DLG2: variants seen among roughly 807,000 people sequenced by gnomAD.
DLG2 encodes the protein discs large MAGUK scaffold protein 2.
DLG2 carries 45 observed loss-of-function variants against 132.5 expected under a neutral mutation model. The ratio of observed to expected loss-of-function variants is 0.34; its 90% CI spans 0.27 to 0.44. DLG2 has a LOEUF of 0.44. DLG2 is among the 20% of genes least tolerant of loss of function. The probability of loss-of-function intolerance (pLI) is 1.00; values close to 1 mark genes in which losing one functional copy is unlikely to be tolerated. For synonymous variants in DLG2, 424 were observed against 419.6 expected (o/e 1.01, Z -0.13); for missense variants, 1,045 against 1,196.9 (o/e 0.87, Z 1.87).
At chr11:83,844,974 C>A (rs1180845844) in intron 16 of DLG2, among the ~76,000 whole-genome samples, 1 of 152,118 alleles carries the variant, frequency 6.6e-6, no homozygotes, top group Non-Finnish European at 1.5e-5. Flanking sequence ...ATTCTGGTAT[C>A]TTGAGTAGTT....
Position 83,833,589 on chromosome 11 carries a change from ATAAAGAT to A in DLG2, c.1722+18_1722+24del, listed in dbSNP as rs2055222975. On this transcript the variant is annotated intron_variant, in intron 17 of 27. Coordinates refer to ENST00000376104, the MANE Select transcript of DLG2 (RefSeq NM_001142699.3). ...ATTGATGGCGTCAGATATGGAGGGAATAAAGATTAAAGAAACATACTCACCGATAGGA... is the reference window on the plus strand; with the variant it reads ...ATTGATGGCGTCAGATATGGAGGGAATAAAGAAACATACTCACCGATAGGA... 3 of 1,599,082 alleles carry A rather than the reference ATAAAGAT, an allele frequency of 1.9e-6. No individual in the cohort carries two copies. The highest frequency in any genetic ancestry group is 2.6e-6 in the Non-Finnish European group (3 of 1,172,270).
At chr11:84,420,645 G>GTGTTCTTT (rs2098945846) in intron 7 of DLG2, among the ~76,000 whole-genome samples, 1 of 48,916 alleles carries the variant, frequency 2.0e-5, no homozygotes, top group Non-Finnish European at 4.9e-5. Flanking sequence ...ACCAATGCTT[G>GTGTTCTTT]TTTTCTTTTT....
intron 5 of DLG2, among the ~76,000 whole-genome samples, chr11:85,117,609 T>C (rs1000123321): frequency 2.1e-4 from 3 of 14,428 alleles, no homozygotes; most frequent in South Asian, 1.4e-3. Context: ...AATAGGTAAA[T>C]AGAAAAAAAA....
At chr11:83,860,052 T>C (rs1012208360) in intron 16 of DLG2, among the ~76,000 whole-genome samples, 2 of 152,154 alleles carry the variant, frequency 1.3e-5, no homozygotes, top group Admixed American at 6.5e-5. Context: ...TTTTAGAAGA[T>C]GTATGGAAAT....
chr11:85,337,790 T>C (rs574173180), intron 3 of DLG2, among the ~76,000 whole-genome samples: 2 of 152,318 alleles, frequency 1.3e-5, no homozygotes, highest in South Asian at 4.1e-4. Flanking sequence ...ATGACCCTTT[T>C]CTCAAATACC....
intron 7 of DLG2, among the ~76,000 whole-genome samples, chr11:84,258,398 C>T (rs2097507297): frequency 6.6e-6 from 1 of 152,068 alleles, no homozygotes; most frequent in African/African-American, 2.4e-5. Context: ...TATGACATAA[C>T]CCAGATCTCA....
At chr11:85,063,344 C>T (rs1467231499) in intron 6 of DLG2, among the ~76,000 whole-genome samples, 2 of 151,670 alleles carry the variant, frequency 1.3e-5, no homozygotes, top group African/African-American at 4.8e-5. Flanking sequence ...ATGATTAATC[C>T]CAAATTCTCT....
At chr11:85,176,166 C>T (rs559403320) in intron 4 of DLG2, among the ~76,000 whole-genome samples, 35 of 152,048 alleles carry the variant, frequency 2.3e-4, no homozygotes, top group South Asian at 1.2e-3. Flanking sequence ...CACAATCCTA[C>T]GCAAAAAGAA....
chr11:83,510,795 AGCATGTGAGT>A (rs1239697638), intron 21 of DLG2, among the ~76,000 whole-genome samples: 1 of 146,562 alleles, frequency 6.8e-6, no homozygotes, highest in Non-Finnish European at 1.5e-5. Context: ...ACAATGTGAG[AGCATGTGAGT>A]GGCTCAAAAG....
chr11:83,536,622 A>C (rs2095884477), intron 20 of DLG2, among the ~76,000 whole-genome samples: 1 of 150,440 alleles, frequency 6.6e-6, no homozygotes, highest in South Asian at 2.1e-4. Context: ...GAAAACAGCT[A>C]TTATTGGAAT....
intron 6 of DLG2, among the ~76,000 whole-genome samples, chr11:84,753,691 C>A (rs185332530): frequency 6.6e-6 from 1 of 152,064 alleles, no homozygotes; most frequent in Admixed American, 6.6e-5. Context: ...GTTATAAGAA[C>A]GTGTAACTTA....
chr11:85,517,304 T>A (rs1412970084), intron 3 of DLG2, among the ~76,000 whole-genome samples: 1 of 152,096 alleles, frequency 6.6e-6, no homozygotes, highest in Non-Finnish European at 1.5e-5. Context: ...AAGCCATATA[T>A]GATGAACCTA....
intron 3 of DLG2, among the ~76,000 whole-genome samples, chr11:85,297,000 G>T (rs1313227247): frequency 6.6e-6 from 1 of 150,746 alleles, no homozygotes; most frequent in Non-Finnish European, 1.5e-5. Context: ...TTATAGTACA[G>T]ATATAATCAT....
At position 83,555,117 on chromosome 11, in the gene DLG2, A is replaced by T. The variant is rs561483452; in HGVS notation, c.1941-13259T>A. On this transcript the variant is annotated intron_variant, in intron 19 of 27. Coordinates refer to ENST00000376104, the MANE Select transcript of DLG2 (RefSeq NM_001142699.3). ...CCAAGAGGAGCTGCTGTCTAATCTGAGCACAGCAGGAGCAGCAGGGTGGGC... is the reference window on the plus strand; with the variant it reads ...CCAAGAGGAGCTGCTGTCTAATCTGTGCACAGCAGGAGCAGCAGGGTGGGC... Among the ~76,000 whole-genome samples the T allele has an allele frequency of 8.9e-4, 136 of 152,360 alleles. 1 individual carries two copies. In the South Asian group the frequency reaches 9.1e-3, roughly 10 times the overall value.
At chr11:83,938,692 T>G (rs1020524388) in intron 14 of DLG2, among the ~76,000 whole-genome samples, 2 of 152,224 alleles carry the variant, frequency 1.3e-5, no homozygotes, top group African/African-American at 4.8e-5. Context: ...AGGTATATAG[T>G]AAAACAATTT....
chr11:84,760,252 T>C lies in DLG2; in HGVS notation c.358-225521A>G, dbSNP rs541878970. On this transcript the variant is annotated intron_variant, in intron 6 of 27. Coordinates refer to ENST00000376104, the MANE Select transcript of DLG2 (RefSeq NM_001142699.3). ...GTAATAAATCTCTTAGTAAATGATG[T>C]TCTCTATCCAGGGCTGCCAAGCAAA... Among the ~76,000 whole-genome samples the C allele has an allele frequency of 1.6e-4, 25 of 152,344 alleles. No homozygotes were observed. In the South Asian group the frequency reaches 5.0e-3, roughly 30 times the overall value.
At chr11:83,586,115 T>G (rs1239871215) in intron 19 of DLG2, among the ~76,000 whole-genome samples, 1 of 152,152 alleles carries the variant, frequency 6.6e-6, no homozygotes, top group Non-Finnish European at 1.5e-5. Context: ...CAAAAACAGG[T>G]GCTTCAGGAC....
At chr11:84,810,082 T>C (rs996877348) in intron 6 of DLG2, among the ~76,000 whole-genome samples, 9 of 152,070 alleles carry the variant, frequency 5.9e-5, no homozygotes, top group Admixed American at 5.2e-4. Context: ...AAATGGATCA[T>C]TGATTTCATA....
intron 7 of DLG2, among the ~76,000 whole-genome samples, chr11:84,386,636 A>G (rs1258647139): frequency 6.6e-6 from 1 of 152,124 alleles, no homozygotes; most frequent in Non-Finnish European, 1.5e-5. Context: ...ATCATATTAT[A>G]ATTGTTTTGT....
Sources: gnomAD v4.1 joint callset for allele counts (sites outside exome capture counted in the v4.1 genomes callset) on GRCh38, gnomAD v4.1.1 for gene constraint, MANE v1.5 for transcripts, NCBI Gene and HGNC (gene_info 2026-07-23, HGNC 2026-07-21) for gene names.